The following POLR3G variants were observed in gnomAD, a reference collection of about 807,000 sequenced individuals.
The protein encoded by POLR3G is DNA-directed RNA polymerase III subunit RPC7.
In POLR3G, 28 loss-of-function variants were observed where a neutral mutation model predicts 30.1. That is an observed-to-expected ratio of 0.93 (90% CI 0.69 to 1.27). POLR3G has a LOEUF of 1.27. Ranked by LOEUF, POLR3G falls within the 50% of genes most tolerant of loss-of-function variation. POLR3G has a pLI of 0.00. For synonymous variants in POLR3G, 79 were observed against 82.5 expected (o/e 0.96, Z 0.23); for missense variants, 254 against 264.6 (o/e 0.96, Z 0.28).
At chr5:90,483,571 G>A (rs911588342) in intron 1 of POLR3G, among the ~76,000 whole-genome samples, 7 of 152,048 alleles carry the variant, frequency 4.6e-5, no homozygotes, top group African/African-American at 1.7e-4. Context: ...TTGGAAGGCC[G>A]AGGCAGGCAG....
Position 90,502,238 on chromosome 5 carries a change from A to G in POLR3G, c.438+250A>G, listed in dbSNP as rs1270237220. On this transcript the variant is annotated intron_variant, in intron 6 of 7. Transcript: ENST00000651687. ...ACCTTCTGTCACCTCTTTCTTTTTC[A>G]CTGTATCCCCCTTTCCGCTTATATT... The G allele has an allele frequency of 9.1e-6, 9 of 983,802 alleles. No individual in the cohort carries two copies. The East Asian group carries it at 6.8e-4, about 74-fold the overall frequency. 60.9% of individuals were successfully genotyped at this position (983,802 alleles called of 1,614,324 possible). A position where few individuals can be genotyped will look rare whatever the true frequency, so the allele number is the denominator to read the frequency against.
intron 1 of POLR3G, among the ~76,000 whole-genome samples, chr5:90,479,500 A>C (rs1218731941): frequency 2.6e-5 from 4 of 152,118 alleles, no homozygotes; most frequent in Non-Finnish European, 5.9e-5. Flanking sequence ...CAACAAACGA[A>C]AAACATAGGT....
intron 3 of POLR3G, among the ~76,000 whole-genome samples, chr5:90,493,728 A>G (rs1345201676): frequency 3.6e-5 from 2 of 55,688 alleles, no homozygotes; most frequent in Non-Finnish European, 6.9e-5. Flanking sequence ...TTTTTTTGAG[A>G]CAAGAGTCTT....
chr5:90,499,532 G>A (rs550779546), intron 5 of POLR3G, among the ~76,000 whole-genome samples: 36 of 152,238 alleles, frequency 2.4e-4, no homozygotes, highest in Admixed American at 3.9e-4. Context: ...TGGCTTAACC[G>A]GTAAATGGAG....
At chr5:90,496,966 A>G (rs1752025685) in intron 4 of POLR3G, among the ~76,000 whole-genome samples, 1 of 152,230 alleles carries the variant, frequency 6.6e-6, no homozygotes, top group African/African-American at 2.4e-5. Context: ...TTTTTCAGGT[A>G]AAATGACTTG....
intron 1 of POLR3G, among the ~76,000 whole-genome samples, chr5:90,480,909 T>C (rs1294112050): frequency 1.3e-5 from 2 of 152,200 alleles, no homozygotes; most frequent in African/African-American, 4.8e-5. Flanking sequence ...TCAGCATATG[T>C]TTTAGTGACT....
Position 90,508,340 on chromosome 5 carries a change from T to A in POLR3G, c.585+1666T>A, listed in dbSNP as rs1752586244. ...TCCTTCCTCCTCCTCTTTTTTTTTT[T>A]AATCAAGGGAGGAAATCCCCTTTAT... is the stretch of plus-strand genomic sequence containing the variant. On this transcript the variant is annotated intron_variant, in intron 7 of 7. Transcript: ENST00000651687. 2.0e-5 allele frequency among the ~76,000 whole-genome samples: 3 copies of A among 151,926 alleles called. No individual in the cohort carries two copies. In the South Asian group the frequency reaches 6.2e-4, roughly 32 times the overall value.
rs1165183416 is a variant in POLR3G at position 90,514,536 on chromosome 5, A to ACAAT, written c.*2400_*2403dup. 1 of 152,232 alleles carries ACAAT rather than the reference A, an allele frequency of 6.6e-6. No individual in the cohort carries two copies. The highest frequency in any genetic ancestry group is 1.9e-4 in the East Asian group (1 of 5,208). The allele number at this position is 152,232 out of a possible 1,614,324, so 9.4% of individuals were successfully genotyped here. A position where few individuals can be genotyped will look rare whatever the true frequency, so the allele number is the denominator to read the frequency against. On this transcript the variant is annotated 3_prime_UTR_variant, in exon 8 of 8. Transcript: ENST00000651687. ...GTTTGTTCCAAATATTCTTGAATAAACAATCACCACAAACAACAAAACTCT... is the reference window on the plus strand; with the variant it reads ...GTTTGTTCCAAATATTCTTGAATAAACAATCAATCACCACAAACAACAAAACTCT...
chr5:90,487,524 T>C (rs1295116737), intron 2 of POLR3G, among the ~76,000 whole-genome samples: 3 of 151,398 alleles, frequency 2.0e-5, no homozygotes, highest in Admixed American at 1.3e-4. Context: ...CCCGAGTAGC[T>C]GGGAATACAG....
intron 5 of POLR3G, among the ~76,000 whole-genome samples, chr5:90,499,123 A>T (rs13189520): frequency 0.12 from 17,901 of 152,164 alleles, 1,157 homozygotes; most frequent in African/African-American, 0.17. Flanking sequence ...AGGGGAATGG[A>T]CCTCAAAATG....
chr5:90,492,020 T>A (rs1354771590), intron 3 of POLR3G, among the ~76,000 whole-genome samples: 2 of 152,338 alleles, frequency 1.3e-5, no homozygotes, highest in African/African-American at 2.4e-5. Flanking sequence ...ATTTCAAAAA[T>A]TTTTAATTTT....
At chr5:90,492,082 C>T (rs929572691) in intron 3 of POLR3G, among the ~76,000 whole-genome samples, 4 of 152,036 alleles carry the variant, frequency 2.6e-5, no homozygotes, top group East Asian at 1.9e-4. Context: ...AATTCTTAGA[C>T]GAATCAGAAG....
chr5:90,474,796 C>CA (rs998269090), upstream of POLR3G: 94 of 177,252 alleles, frequency 5.3e-4, no homozygotes, highest in East Asian at 9.5e-4. Context: ...CTGCCAAGGG[C>CA]AAAAAAACCT....
intron 7 of POLR3G, 105 bp from the exon 8 acceptor site, chr5:90,511,946 CTG>C (rs1752757527): frequency 1.1e-5 from 8 of 733,470 alleles, no homozygotes; most frequent in Non-Finnish European, 1.9e-5. Context: ...CAAGTGAAAA[CTG>C]TTGTGTTTTT....
At position 90,514,200 on chromosome 5, in the gene POLR3G, G is replaced by A. The variant is rs999349723; in HGVS notation, c.*2061G>A. The A allele has an allele frequency of 6.6e-6, 1 of 152,164 alleles. No homozygotes were observed. The highest frequency in any genetic ancestry group is 1.5e-5 in the Non-Finnish European group (1 of 68,028). 9.4% of individuals were successfully genotyped at this position (152,164 alleles called of 1,614,324 possible). On this transcript the variant is annotated 3_prime_UTR_variant, in exon 8 of 8. Transcript: ENST00000651687. ...GATTTGCAGGTTGCTTTACCAGCAT[G>A]AGTCTCATTTTTCTGGCTTAAAATC...
At chr5:90,493,512 T>G (rs146043146) in intron 3 of POLR3G, among the ~76,000 whole-genome samples, 1,860 of 152,032 alleles carry the variant, frequency 0.012, 35 homozygotes, top group African/African-American at 0.043. Context: ...CCTCCCAAAG[T>G]GCTGGGATTA....
At chr5:90,476,596 T>C (rs1750835568) in intron 1 of POLR3G, among the ~76,000 whole-genome samples, 1 of 152,158 alleles carries the variant, frequency 6.6e-6, no homozygotes, top group Non-Finnish European at 1.5e-5. Context: ...TGAAATGGAG[T>C]GATATCTCTA....
chr5:90,474,161 G>A (rs1025238708), upstream of POLR3G: 9 of 1,599,620 alleles, frequency 5.6e-6, no homozygotes, highest in African/African-American at 1.3e-5. Flanking sequence ...GGCCTGTATC[G>A]ATCACCACGT....
intron 3 of POLR3G, 95 bp downstream of exon 3, chr5:90,488,224 C>T (rs544939187): frequency 6.9e-5 from 75 of 1,089,620 alleles, no homozygotes; most frequent in African/African-American, 8.1e-5. Flanking sequence ...TTGATTGATT[C>T]GATTCAATAA....
Sources: gnomAD v4.1 joint callset for allele counts (sites outside exome capture counted in the v4.1 genomes callset) on GRCh38, gnomAD v4.1.1 for gene constraint, MANE v1.5 for transcripts, NCBI Gene and HGNC (gene_info 2026-07-23, HGNC 2026-07-21) for gene names.